Variants in SLC12A1 observed in about 807,000 individuals in gnomAD.
SLC12A1 encodes the protein solute carrier family 12 member 1, also known as Na-K-2Cl cotransporter.
A neutral mutation model predicts 130.4 loss-of-function variants in SLC12A1; 89 were observed. That is an observed-to-expected ratio of 0.68 (90% CI 0.58 to 0.81). SLC12A1 has a LOEUF of 0.81. Among genes scored for constraint, SLC12A1 ranks in the 40% least tolerant of loss-of-function variants. SLC12A1 has a pLI of 0.00. For synonymous variants in SLC12A1, 499 were observed against 460.0 expected (o/e 1.08, Z -1.09); for missense variants, 1,310 against 1,336.4 (o/e 0.98, Z 0.31).
chr15:48,259,071 C>A, intron 16 of SLC12A1, 129 bp from the exon 17 acceptor site: 2 of 624,630 alleles, frequency 3.2e-6, no homozygotes, highest in South Asian at 2.1e-5. Flanking sequence ...TGGTGCGAAA[C>A]CCAAAAAATA....
intron 17 of SLC12A1, among the ~76,000 whole-genome samples, chr15:48,262,822 C>T (rs148145268): frequency 9.3e-4 from 142 of 152,292 alleles, no homozygotes; most frequent in African/African-American, 3.3e-3. Context: ...GCATCCCCCT[C>T]ATATTTCTAA....
chr15:48,279,862 A>G (rs2041993150), intron 20 of SLC12A1, among the ~76,000 whole-genome samples: 1 of 152,198 alleles, frequency 6.6e-6, no homozygotes, highest in East Asian at 1.9e-4. Flanking sequence ...AGTGTAGTAA[A>G]TAATTACTTG....
intron 20 of SLC12A1, among the ~76,000 whole-genome samples, chr15:48,283,715 AG>A (rs1413381955): frequency 6.6e-6 from 1 of 152,222 alleles, no homozygotes; most frequent in African/African-American, 2.4e-5. Flanking sequence ...ATGGGCTCCA[AG>A]GGTTGACATT....
intron 24 of SLC12A1, among the ~76,000 whole-genome samples, chr15:48,296,546 G>C (rs1305705126): frequency 6.6e-6 from 1 of 152,178 alleles, no homozygotes; most frequent in Non-Finnish European, 1.5e-5. Flanking sequence ...AAAGATGCTA[G>C]AGTAGTCCCA....
At chr15:48,213,793 G>A (rs2041085378) in intron 2 of SLC12A1, among the ~76,000 whole-genome samples, 1 of 152,072 alleles carries the variant, frequency 6.6e-6, no homozygotes, top group Non-Finnish European at 1.5e-5. Flanking sequence ...AAAGTGCTGG[G>A]ACTACAGGTG....
intron 24 of SLC12A1, among the ~76,000 whole-genome samples, chr15:48,296,265 C>T (rs1176627237): frequency 6.6e-6 from 1 of 152,198 alleles, no homozygotes; most frequent in Non-Finnish European, 1.5e-5. Flanking sequence ...TTTAATAAAT[C>T]TTTTGACTAC....
chr15:48,260,066 G>A (rs1047181283), intron 17 of SLC12A1, among the ~76,000 whole-genome samples: 11 of 152,062 alleles, frequency 7.2e-5, no homozygotes, highest in South Asian at 2.1e-4. Context: ...TCAGGAGTTC[G>A]AGACCATGAC....
chr15:48,225,614 T>C (rs2041274950), intron 4 of SLC12A1: 1 of 152,156 alleles, frequency 6.6e-6, no homozygotes, highest in South Asian at 2.1e-4. Flanking sequence ...CCAGCCCTAG[T>C]GGCTTTGTTT....
At chr15:48,287,723 T>C (rs1363554493) in intron 21 of SLC12A1, among the ~76,000 whole-genome samples, 1 of 152,222 alleles carries the variant, frequency 6.6e-6, no homozygotes, top group Non-Finnish European at 1.5e-5. Flanking sequence ...AGTAGCATTG[T>C]TGCATGCCTA....
In SLC12A1 at chr15:48,269,791, C is replaced by T; in HGVS notation, c.2402+27C>T. Reference sequence around the variant, plus strand: ...TAAGTGATGGCTTTCAAGACGTGTTCTTGTTTATAAAGCACTAAGCAGGGC... The same window carrying T: ...TAAGTGATGGCTTTCAAGACGTGTTTTTGTTTATAAAGCACTAAGCAGGGC... On this transcript the variant is annotated intron_variant, in intron 19 of 26. Coordinates refer to ENST00000380993, the MANE Select transcript of SLC12A1 (RefSeq NM_000338.3). 2.3e-6 allele frequency: 3 copies of T among 1,304,462 alleles called. No homozygotes were observed. The South Asian group carries it at 3.6e-5, about 16-fold the overall frequency. The allele number at this position is 1,304,462 out of a possible 1,614,324, so 80.8% of individuals were successfully genotyped here.
At chr15:48,272,893 A>T (rs1272542287) in intron 19 of SLC12A1, among the ~76,000 whole-genome samples, 1 of 152,070 alleles carries the variant, frequency 6.6e-6, no homozygotes, top group Admixed American at 6.6e-5. Flanking sequence ...AGATCACTTG[A>T]GGTCTCGAGT....
intron 2 of SLC12A1, among the ~76,000 whole-genome samples, chr15:48,213,692 G>T (rs2041083764): frequency 6.6e-6 from 1 of 151,526 alleles, no homozygotes; most frequent in South Asian, 2.1e-4. Flanking sequence ...TTTGTTTTTT[G>T]TTTTGTATTT....
chr15:48,238,251 A>G (rs769828982), intron 9 of SLC12A1, among the ~76,000 whole-genome samples: 7 of 152,120 alleles, frequency 4.6e-5, no homozygotes, highest in African/African-American at 7.2e-5. Flanking sequence ...ACATTTGTCT[A>G]TTGAGGTTGA....
rs1412277541 is a variant in SLC12A1, at chr15:48,274,557, G to A, written c.2403-14G>A. The A allele has an allele frequency of 3.8e-6, 6 of 1,597,234 alleles. No homozygotes were observed. Among genetic ancestry groups the A allele is most frequent in the Non-Finnish European group, 5.1e-6 (6 of 1,166,618 alleles). ...AGCCATTTAAAACGCTGACTGCTTT[G>A]CTTCCTCTTTCAGTGATGCATTTGA... On this transcript the variant is annotated splice_polypyrimidine_tract_variant and intron_variant, in intron 19 of 26. Transcript: ENST00000380993.
chr15:48,220,640 G>A lies in SLC12A1; in HGVS notation c.427G>A (p.Ala143Thr). The change falls in exon 3 of 27, where the codon GCA becomes ACA. Residue 143 changes from alanine to threonine, a missense_variant. Transcript: ENST00000380993. ...TGCTATCTATAAAATGCAGAATGTG[G>A]CAGTCACCCCAAGTTCAGCTGACAG... ...EIHEQLAKNV[A>T]VTPSSADRVA... 3.1e-6 allele frequency: 5 copies of A among 1,612,872 alleles called. No homozygotes were observed. Among genetic ancestry groups the A allele is most frequent in the Non-Finnish European group, 4.2e-6 (5 of 1,179,362 alleles).
chr15:48,278,656 C>T (rs755925076), intron 20 of SLC12A1, among the ~76,000 whole-genome samples: 9 of 152,142 alleles, frequency 5.9e-5, no homozygotes, highest in Non-Finnish European at 8.8e-5. Flanking sequence ...TGTTCTGTTG[C>T]GAACTTCCTA....
chr15:48,277,441 G>T (rs2041965500), intron 20 of SLC12A1, among the ~76,000 whole-genome samples: 1 of 145,244 alleles, frequency 6.9e-6, no homozygotes, highest in Non-Finnish European at 1.5e-5. Flanking sequence ...ATGCACAATA[G>T]TCTCAATTCT....
chr15:48,259,638 T>C (rs1409343218), intron 17 of SLC12A1, among the ~76,000 whole-genome samples: 1 of 152,048 alleles, frequency 6.6e-6, no homozygotes, highest in Admixed American at 6.5e-5. Context: ...TACAGAAATA[T>C]AAAAAGATGG....
chr15:48,257,052 T>G (rs2041715716), intron 16 of SLC12A1, among the ~76,000 whole-genome samples: 2 of 152,164 alleles, frequency 1.3e-5, no homozygotes, highest in South Asian at 2.1e-4. Context: ...CTGTTCCAAA[T>G]GGGAGAAATT....
Sources: allele counts gnomAD v4.1 joint callset (sites outside exome capture counted in the v4.1 genomes callset), GRCh38; gene constraint gnomAD v4.1.1; transcripts MANE v1.5; gene names NCBI Gene and HGNC (gene_info 2026-07-23, HGNC 2026-07-21).